KLHL7: variants seen among roughly 807,000 people sequenced by gnomAD.
KLHL7 encodes kelch like family member 7.
KLHL7 carries 44 observed loss-of-function variants against 67.4 expected under a neutral mutation model. The ratio of observed to expected loss-of-function variants is 0.65; its 90% confidence interval spans 0.51 to 0.84. The LOEUF (loss-of-function observed/expected upper bound fraction) is 0.84. Ranked by LOEUF, KLHL7 falls within the 40% of genes least tolerant of loss-of-function variation. The probability of loss-of-function intolerance (pLI) is 0.00; values close to 1 mark genes in which losing one functional copy is unlikely to be tolerated. For missense variants in KLHL7, 362 were observed against 718.1 expected (o/e 0.50, Z 5.67); for synonymous variants, 252 against 243.3 (o/e 1.04, Z -0.33).
intron 7 of KLHL7, among the ~76,000 whole-genome samples, chr7:23,162,795 A>G (rs1784887873): frequency 6.6e-6 from 1 of 152,214 alleles, no homozygotes; most frequent in Non-Finnish European, 1.5e-5. Flanking sequence ...ATAATGGCTT[A>G]AGAGAAAGTA....
chr7:23,153,589 C>T (rs1032479820), intron 7 of KLHL7, among the ~76,000 whole-genome samples: 2 of 152,092 alleles, frequency 1.3e-5, no homozygotes, highest in African/African-American at 2.4e-5. Context: ...TCTGTCAGAA[C>T]CTCATGGGCA....
intron 7 of KLHL7, among the ~76,000 whole-genome samples, chr7:23,155,547 C>T (rs1250813171): frequency 2.6e-5 from 4 of 151,678 alleles, no homozygotes. Context: ...GCCTGTAATC[C>T]CAGCTACTGG....
intron 7 of KLHL7, among the ~76,000 whole-genome samples, chr7:23,162,415 G>A (rs770712650): frequency 5.3e-5 from 8 of 152,200 alleles, no homozygotes; most frequent in Non-Finnish European, 8.8e-5. Flanking sequence ...GTAGCTATTT[G>A]GTTAGGGATG....
chr7:23,145,316 C>G (rs540909287), intron 6 of KLHL7, among the ~76,000 whole-genome samples: 57 of 151,116 alleles, frequency 3.8e-4, no homozygotes, highest in Non-Finnish European at 6.6e-4. Flanking sequence ...TTCAGCTATA[C>G]TTTTTAATTT....
intron 4 of KLHL7, chr7:23,125,756 G>A: frequency 1.3e-6 from 2 of 1,488,514 alleles, no homozygotes; most frequent in Non-Finnish European, 8.9e-7. Flanking sequence ...TCTATTTTGT[G>A]ATAGGAGAAG....
At chr7:23,124,922 T>C in intron 3 of KLHL7, 126 bp from the exon 4 acceptor site, 2 of 1,095,750 alleles carry the variant, frequency 1.8e-6, no homozygotes, top group Non-Finnish European at 2.7e-6. Context: ...TCCTATGCCA[T>C]ACTAATTCAA....
At chr7:23,145,663 G>A (rs942959984) in intron 6 of KLHL7, among the ~76,000 whole-genome samples, 1 of 152,128 alleles carries the variant, frequency 6.6e-6, no homozygotes, top group African/African-American at 2.4e-5. Flanking sequence ...CTATAAGCTG[G>A]GTGTAGGCAT....
intron 8 of KLHL7, 75 bp from the exon 9 acceptor site, chr7:23,167,761 A>G (rs1785045076): frequency 3.0e-6 from 4 of 1,328,528 alleles, no homozygotes; most frequent in Non-Finnish European, 4.3e-6. Context: ...CTTAACTAAT[A>G]AGATCTACAG....
intron 7 of KLHL7, among the ~76,000 whole-genome samples, chr7:23,156,711 A>G (rs1784717295): frequency 6.6e-6 from 1 of 152,176 alleles, no homozygotes; most frequent in South Asian, 2.1e-4. Context: ...GCAGAAAACT[A>G]TGTGGCACCC....
In KLHL7 at chr7:23,168,057, T is replaced by G; in HGVS notation, c.1379+20T>G. 4 of 1,602,024 alleles carry G rather than the reference T, an allele frequency of 2.5e-6. No homozygotes were observed. Among genetic ancestry groups the G allele is most frequent in the Non-Finnish European group, 3.4e-6 (4 of 1,169,098 alleles). On this transcript the variant is annotated intron_variant, in intron 9 of 10. Transcript: ENST00000339077. ...AGAAACGTATGTATCTATTTAAAAT[T>G]TATTTTACAGTTAACTGTATTCTAT... is the stretch of plus-strand genomic sequence containing the variant.
intron 9 of KLHL7, among the ~76,000 whole-genome samples, chr7:23,169,131 C>T (rs565103972): frequency 1.3e-5 from 2 of 152,068 alleles, no homozygotes; most frequent in African/African-American, 4.8e-5. Context: ...TGTTGTGGCG[C>T]GTGCCTGTAA....
chr7:23,166,136 T>C (rs1480724579), intron 8 of KLHL7, among the ~76,000 whole-genome samples, 198 bp downstream of exon 8: 2 of 152,234 alleles, frequency 1.3e-5, no homozygotes, highest in Admixed American at 6.5e-5. Flanking sequence ...TACAGAACTT[T>C]AGCTTCCTAG....
chr7:23,151,762 A>T (rs979902682), intron 6 of KLHL7, among the ~76,000 whole-genome samples: 2 of 152,194 alleles, frequency 1.3e-5, no homozygotes, highest in African/African-American at 2.4e-5. Flanking sequence ...GGAGATCTGG[A>T]TTTCAATAAT....
At chr7:23,136,356 G>A (rs758370184) in intron 4 of KLHL7, among the ~76,000 whole-genome samples, 1 of 152,108 alleles carries the variant, frequency 6.6e-6, no homozygotes, top group Non-Finnish European at 1.5e-5. Context: ...AGGATGTACC[G>A]GTTAGGTTTC....
intron 4 of KLHL7, among the ~76,000 whole-genome samples, chr7:23,134,090 T>A (rs926307270): frequency 6.6e-6 from 1 of 152,194 alleles, no homozygotes; most frequent in African/African-American, 2.4e-5. Flanking sequence ...ATGGGTCTGT[T>A]GTATATGGCT....
At chr7:23,115,794 C>A (rs867186497) in intron 1 of KLHL7, among the ~76,000 whole-genome samples, 1 of 152,122 alleles carries the variant, frequency 6.6e-6, no homozygotes, top group Admixed American at 6.5e-5. Context: ...CTGCCGGCCT[C>A]AGCCTCCCAA....
intron 8 of KLHL7, 79 bp from the exon 9 acceptor site, chr7:23,167,757 T>TA: frequency 2.3e-6 from 3 of 1,291,146 alleles, no homozygotes; most frequent in Admixed American, 3.5e-5. Flanking sequence ...CTTCCTTAAC[T>TA]AATAAGATCT....
At chr7:23,125,796 TGTGGTA>T in intron 4 of KLHL7, 1 of 1,539,878 alleles carries the variant, frequency 6.5e-7, no homozygotes, top group Non-Finnish European at 8.8e-7. Context: ...CCTTCCAGAG[TGTGGTA>T]TGCTTTTCAC....
intron 7 of KLHL7, among the ~76,000 whole-genome samples, chr7:23,153,229 G>A (rs943782927): frequency 2.0e-5 from 3 of 152,014 alleles, no homozygotes; most frequent in African/African-American, 7.2e-5. Flanking sequence ...GGCGGCGGGG[G>A]GGCTACAACG....
Sources: gnomAD v4.1 joint callset for allele counts (sites outside exome capture counted in the v4.1 genomes callset) on GRCh38, gnomAD v4.1.1 for gene constraint, MANE v1.5 for transcripts, NCBI Gene and HGNC (gene_info 2026-07-23, HGNC 2026-07-21) for gene names.